PCDHA8: variants seen among roughly 807,000 people sequenced by gnomAD.
PCDHA8 encodes the protein protocadherin alpha 8, also known as protocadherin alpha-8.
A neutral mutation model predicts 61.8 loss-of-function variants in PCDHA8; 53 were observed. The ratio of observed to expected loss-of-function variants is 0.86; its 90% confidence interval spans 0.69 to 1.08. PCDHA8 has a LOEUF of 1.08. Among genes scored for constraint, PCDHA8 ranks in the 50% least tolerant of loss-of-function variants. The pLI, the probability that PCDHA8 is intolerant of heterozygous loss-of-function variation, is 0.00. For synonymous variants in PCDHA8, 618 were observed against 556.6 expected (o/e 1.11, Z -1.55); for missense variants, 1,293 against 1,245.0 (o/e 1.04, Z -0.58).
At chr5:140,924,906 T>A (rs199645977) in intron 1 of PCDHA8, among the ~76,000 whole-genome samples, 5,369 of 55,724 alleles carry the variant, frequency 0.096, 112 homozygotes, top group Non-Finnish European at 0.11. Context: ...AAAAAAAAAA[T>A]AAAATAAAAT....
At chr5:140,974,284 G>C (rs1409183152) in intron 1 of PCDHA8, among the ~76,000 whole-genome samples, 2 of 152,092 alleles carry the variant, frequency 1.3e-5, no homozygotes, top group Non-Finnish European at 2.9e-5. Flanking sequence ...CAGAACTCTG[G>C]GCTCCAAGGA....
chr5:140,969,542 C>T, intron 1 of PCDHA8: 1 of 1,279,490 alleles, frequency 7.8e-7, no homozygotes, highest in South Asian at 1.6e-5. Flanking sequence ...TTTTCAGAGG[C>T]ATGAAGCCTT....
At chr5:140,950,452 C>A (rs1030639288) in intron 1 of PCDHA8, among the ~76,000 whole-genome samples, 12 of 151,888 alleles carry the variant, frequency 7.9e-5, no homozygotes, top group African/African-American at 2.7e-4. Context: ...ATTCTACTGT[C>A]TTCTAATGCT....
At chr5:140,930,582 T>C in intron 1 of PCDHA8, 1 of 152,540 alleles carries the variant, frequency 6.6e-6, no homozygotes, top group East Asian at 1.9e-4. Flanking sequence ...GTATTACTTT[T>C]TGACTTCTCA....
rs139113749 is a variant in PCDHA8, at chr5:140,843,258, G to C, written c.1937G>C (p.Arg646Pro). The change falls in exon 1 of 4, where the codon CGT becomes CCT. Residue 646 changes from arginine (R) to proline (P), a missense_variant. Arg to Pro is a moderately radical substitution (Grantham distance 103). Transcript: ENST00000531613. ...GACGAAGCGGACTCTCCGCGCCACC[G>C]TCTGCTGGTCCTGGTGAAGGATCAT... Reference protein sequence around the residue: ...VLDEADSPRHRLLVLVKDHGE... With the variant: ...VLDEADSPRHPLLVLVKDHGE... 5 of 1,595,952 alleles carry C rather than the reference G, an allele frequency of 3.1e-6. 1 individual carries two copies. The African/African-American group carries it at 5.4e-5, about 17-fold the overall frequency.
intron 1 of PCDHA8, among the ~76,000 whole-genome samples, chr5:140,954,810 A>C (rs1169811573): frequency 6.6e-6 from 1 of 151,948 alleles, no homozygotes; most frequent in Non-Finnish European, 1.5e-5. Context: ...CTTTTGTTGA[A>C]ATTGCTTTAG....
chr5:140,977,345 T>C lies in PCDHA8; in HGVS notation c.2395-1604T>C, dbSNP rs139865600. Among the ~76,000 whole-genome samples, 25 of 152,342 alleles carry C rather than the reference T, an allele frequency of 1.6e-4. No homozygotes were observed. In the East Asian group the frequency reaches 4.8e-3, roughly 29 times the overall value. ...ATGGCGAGGGGAGAGACGGTGATGATGACTGATTGATAAAAAGTATTTTAG... is the reference window on the plus strand; with the variant it reads ...ATGGCGAGGGGAGAGACGGTGATGACGACTGATTGATAAAAAGTATTTTAG... On this transcript the variant is annotated intron_variant, in intron 1 of 3. Transcript: ENST00000531613.
chr5:140,869,654 C>G, intron 1 of PCDHA8: 2 of 1,613,446 alleles, frequency 1.2e-6, no homozygotes, highest in African/African-American at 1.3e-5. Context: ...GATTCACCAA[C>G]AAATGGTAAG....
intron 1 of PCDHA8, among the ~76,000 whole-genome samples, chr5:140,885,773 G>T (rs1419137937): frequency 6.6e-6 from 1 of 152,016 alleles, no homozygotes; most frequent in African/African-American, 2.4e-5. Flanking sequence ...TATAGTATTA[G>T]TGAATTTGAG....
intron 3 of PCDHA8, among the ~76,000 whole-genome samples, chr5:140,990,782 C>T (rs1460964532): frequency 2.0e-5 from 3 of 152,120 alleles, no homozygotes; most frequent in Non-Finnish European, 1.5e-5. Context: ...CTGTGTTGGA[C>T]GATGAACCAT....
chr5:140,993,528 A>T lies in PCDHA8; in HGVS notation c.2542+10965A>T, dbSNP rs78672098. On this transcript the variant is annotated intron_variant, in intron 3 of 3. Transcript: ENST00000531613. ...CACACACGGGGAGAGAGAGACAGAG[A>T]GAGAGAGAGATAGAGAAGTGAAGTA... Among the ~76,000 whole-genome samples the T allele has an allele frequency of 6.6e-5, 10 of 152,092 alleles. No individual in the cohort carries two copies. In the East Asian group the frequency reaches 1.2e-3, roughly 18 times the overall value.
intron 1 of PCDHA8, among the ~76,000 whole-genome samples, chr5:140,952,230 A>C (rs1177331328): frequency 6.6e-6 from 1 of 151,960 alleles, no homozygotes; most frequent in African/African-American, 2.4e-5. Flanking sequence ...ACAGTGTGCA[A>C]GCTGCTTAGA....
chr5:140,927,530 G>A (rs2084329100), intron 1 of PCDHA8: 2 of 1,614,080 alleles, frequency 1.2e-6, no homozygotes, highest in Non-Finnish European at 1.7e-6. Flanking sequence ...CTACCTGCCC[G>A]CTCAGGAGAC....
At chr5:140,893,391 G>T (rs1481818388) in intron 1 of PCDHA8, among the ~76,000 whole-genome samples, 1 of 152,158 alleles carries the variant, frequency 6.6e-6, no homozygotes, top group Non-Finnish European at 1.5e-5. Context: ...AGTGGCTCAT[G>T]CCTGTAATCC....
At chr5:140,929,038 C>T in intron 1 of PCDHA8, 2 of 1,614,158 alleles carry the variant, frequency 1.2e-6, no homozygotes, top group South Asian at 1.1e-5. Context: ...CTGTTGCGCT[C>T]AGAGCTGCTG....
rs1337537154 is a variant in PCDHA8, at chr5:140,853,299, T to G, written c.2394+9584T>G. 5.1e-6 allele frequency: 5 copies of G among 982,044 alleles called. No homozygotes were observed. In the African/African-American group the frequency reaches 7.1e-5, roughly 14 times the overall value. 60.8% of individuals were successfully genotyped at this position (982,044 alleles called of 1,614,324 possible). The stretch of plus-strand genomic sequence containing the variant: ...ATCATATGCAAATTCTCAGAAGGGC[T>G]GTGAACACCTTAGTAATAAATTTAT... On this transcript the variant is annotated intron_variant, in intron 1 of 3. Coordinates refer to ENST00000531613, the MANE Select transcript of PCDHA8 (RefSeq NM_018911.3).
intron 1 of PCDHA8, among the ~76,000 whole-genome samples, chr5:140,936,458 G>A (rs963270336): frequency 2.6e-5 from 4 of 152,046 alleles, no homozygotes; most frequent in Non-Finnish European, 4.4e-5. Flanking sequence ...TCTGTTTAGT[G>A]GTTGCTGTAG....
intron 1 of PCDHA8, chr5:140,966,441 CT>C (rs1165111455): frequency 7.1e-6 from 3 of 424,684 alleles, no homozygotes; most frequent in African/African-American, 4.1e-5. Context: ...CTACCGCTCC[CT>C]TTCCCCCTCC....
chr5:140,901,852 T>G (rs1184166361), intron 1 of PCDHA8, among the ~76,000 whole-genome samples: 3 of 152,206 alleles, frequency 2.0e-5, no homozygotes, highest in Non-Finnish European at 4.4e-5. Flanking sequence ...TCTTTCCATT[T>G]TTTTGTGTCC....
Sources: allele counts gnomAD v4.1 joint callset (sites outside exome capture counted in the v4.1 genomes callset), GRCh38; gene constraint gnomAD v4.1.1; transcripts MANE v1.5; gene names NCBI Gene and HGNC (gene_info 2026-07-23, HGNC 2026-07-21).